The following PHLDB2 variants were observed in gnomAD, a reference collection of about 807,000 sequenced individuals.
PHLDB2 encodes pleckstrin homology-like domain family B member 2.
A neutral mutation model predicts 123.6 loss-of-function variants in PHLDB2; 71 were observed. The ratio of observed to expected loss-of-function variants is 0.57; its 90% CI spans 0.47 to 0.70. The LOEUF (loss-of-function observed/expected upper bound fraction) is 0.70. PHLDB2 is among the 30% of genes least tolerant of loss of function. PHLDB2 has a pLI of 0.00. For synonymous variants in PHLDB2, 547 were observed against 541.6 expected, an observed-to-expected ratio of 1.01 and a Z score of -0.14; for missense variants, 1,446 against 1,519.5, an observed-to-expected ratio of 0.95 and a Z score of 0.80.
upstream of PHLDB2, among the ~76,000 whole-genome samples, chr3:111,857,475 GA>G (rs71131986): frequency 6.6e-3 from 277 of 42,282 alleles, 5 homozygotes; most frequent in Middle Eastern, 0.033. Flanking sequence ...GAAAAGAAAA[GA>G]AAAAAAAATT....
At chr3:111,839,433 G>GT (rs1372382846) in intron 1 of PHLDB2, among the ~76,000 whole-genome samples, 1 of 152,040 alleles carries the variant, frequency 6.6e-6, no homozygotes, top group African/African-American at 2.4e-5. Flanking sequence ...TGTTCACAAT[G>GT]TACTCTCAAG....
At chr3:111,756,699 A>G (rs1264694395) in intron 1 of PHLDB2, among the ~76,000 whole-genome samples, 1 of 152,144 alleles carries the variant, frequency 6.6e-6, no homozygotes, top group Non-Finnish European at 1.5e-5. Context: ...TTATGATGTT[A>G]GCTGGTTATT....
chr3:111,940,025 T>G (rs2069765264), intron 7 of PHLDB2, among the ~76,000 whole-genome samples: 1 of 152,174 alleles, frequency 6.6e-6, no homozygotes, highest in Non-Finnish European at 1.5e-5. Context: ...CCATTAGAAG[T>G]AGAATGCCAT....
upstream of PHLDB2, among the ~76,000 whole-genome samples, chr3:111,855,220 T>C (rs945662928): frequency 6.6e-6 from 1 of 152,078 alleles, no homozygotes; most frequent in Non-Finnish European, 1.5e-5. Flanking sequence ...GAAAGTAAGA[T>C]CAGGGACTGT....
chr3:111,781,358 T>A (rs1200622452), intron 1 of PHLDB2, among the ~76,000 whole-genome samples: 1 of 151,930 alleles, frequency 6.6e-6, no homozygotes, highest in Non-Finnish European at 1.5e-5. Flanking sequence ...AATCCACATG[T>A]CTCCCATCCT....
At chr3:111,853,804 G>A (rs944354116) in intron 2 of PHLDB2, among the ~76,000 whole-genome samples, 1 of 151,984 alleles carries the variant, frequency 6.6e-6, no homozygotes, top group Non-Finnish European at 1.5e-5. Context: ...AAACCCAGTA[G>A]GCAGAGGTTG....
chr3:111,975,845 A>G lies in PHLDB2; in HGVS notation c.*1282A>G, dbSNP rs149140519. 6.3e-4 allele frequency: 96 copies of G among 152,774 alleles called. No homozygotes were observed. Among genetic ancestry groups the G allele is most frequent in the African/African-American group, 2.2e-3 (90 of 41,586 alleles). 9.5% of individuals were successfully genotyped at this position (152,774 alleles called of 1,614,324 possible). A position where few individuals can be genotyped will look rare whatever the true frequency, so the allele number is the denominator to read the frequency against. ...ATAACAATATTACTTACAAGATGAA[A>G]TGATTAGATTAGAAGTGTCCCTTTA... On this transcript the variant is annotated 3_prime_UTR_variant, in exon 18 of 18. Transcript: ENST00000431670.
At chr3:111,783,174 G>A (rs1318250203) in intron 1 of PHLDB2, among the ~76,000 whole-genome samples, 1 of 152,006 alleles carries the variant, frequency 6.6e-6, no homozygotes, top group Non-Finnish European at 1.5e-5. Context: ...CAGCATCAAG[G>A]TCATGGGAAA....
intron 2 of PHLDB2, among the ~76,000 whole-genome samples, chr3:111,851,023 G>A (rs762567306): frequency 8.0e-5 from 12 of 150,698 alleles, no homozygotes; most frequent in South Asian, 4.2e-4. Flanking sequence ...GTGAAACCCC[G>A]TCTCTACTAA....
intron 1 of PHLDB2, among the ~76,000 whole-genome samples, chr3:111,882,613 A>G (rs1009664431): frequency 5.3e-5 from 8 of 152,208 alleles, no homozygotes; most frequent in African/African-American, 1.9e-4. Flanking sequence ...CTATCTGGGC[A>G]GGGCTTTGGG....
At chr3:111,745,515 C>CA (rs2059666753) in intron 1 of PHLDB2, among the ~76,000 whole-genome samples, 1 of 152,148 alleles carries the variant, frequency 6.6e-6, no homozygotes, top group Non-Finnish European at 1.5e-5. Flanking sequence ...GTAATCCCAG[C>CA]ACTTTGGGAG....
Position 111,885,242 on chromosome 3 carries a change from G to A in PHLDB2, c.1165G>A (p.Glu389Lys). ...TRRNFSCGSV[E>K]FDEADLESLR... is the part of the protein sequence containing the mutation. ...GAGGAACTTCTCTTGTGGATCTGTG[G>A]AATTTGATGAGGCAGATTTGGAAAG... The change falls in exon 2 of 18, where the codon GAA (glutamate) becomes AAA (lysine). Residue 389 changes from glutamate to lysine, a missense_variant. This residue lies in a region of PHLDB2 where 832 missense variants were observed against 831.9 expected (regional missense o/e 1.00). Coordinates refer to ENST00000431670, the MANE Select transcript of PHLDB2 (RefSeq NM_001134438.2). 6.2e-7 allele frequency: 1 copy of A among 1,614,126 alleles called. No individual in the cohort carries two copies. The highest frequency in any genetic ancestry group is 8.5e-7 in the Non-Finnish European group (1 of 1,180,024).
Position 111,974,632 on chromosome 3 carries a change from A to C in PHLDB2, c.*69A>C. On this transcript the variant is annotated 3_prime_UTR_variant, in exon 18 of 18. Transcript: ENST00000431670. Reference sequence around the variant, plus strand: ...TCTTACAAGAATGAAGCCATATTCAACCCCAGATGAGAAAACCCAACAGAT... The same window carrying C: ...TCTTACAAGAATGAAGCCATATTCACCCCCAGATGAGAAAACCCAACAGAT... 7.0e-7 allele frequency: 1 copy of C among 1,418,628 alleles called. No homozygotes were observed. 87.9% of individuals were successfully genotyped at this position (1,418,628 alleles called of 1,614,324 possible). A position where few individuals can be genotyped will look rare whatever the true frequency, so the allele number is the denominator to read the frequency against.
chr3:111,758,410 T>C (rs1171650831), intron 1 of PHLDB2, among the ~76,000 whole-genome samples: 1 of 152,206 alleles, frequency 6.6e-6, no homozygotes, highest in Non-Finnish European at 1.5e-5. Context: ...CTCCGAGCCA[T>C]GTGCGGGATA....
upstream of PHLDB2, among the ~76,000 whole-genome samples, chr3:111,854,271 G>C (rs907924889): frequency 2.6e-5 from 4 of 152,140 alleles, no homozygotes; most frequent in African/African-American, 9.7e-5. Context: ...TTGACACTTG[G>C]GGATTATGAG....
chr3:111,754,324 A>G (rs1386805366), intron 1 of PHLDB2, among the ~76,000 whole-genome samples: 4 of 145,490 alleles, frequency 2.7e-5, no homozygotes, highest in Admixed American at 2.1e-4. Context: ...CTTTTATTTC[A>G]TTGAGCAGTG....
chr3:111,951,753 TTTTC>T (rs1397227877), intron 10 of PHLDB2, among the ~76,000 whole-genome samples: 7 of 152,298 alleles, frequency 4.6e-5, no homozygotes, highest in African/African-American at 7.2e-5. Flanking sequence ...TTTTTGTGTT[TTTTC>T]TTTCTTTTTT....
chr3:111,906,023 A>G (rs550435164), intron 2 of PHLDB2, among the ~76,000 whole-genome samples: 3 of 152,340 alleles, frequency 2.0e-5, no homozygotes, highest in South Asian at 2.1e-4. Flanking sequence ...TTGTAATACC[A>G]TATTTTTAGT....
rs2072479285 is a variant in PHLDB2, at chr3:111,976,443, G to T, written c.*1880G>T. 1 of 152,128 alleles carries T rather than the reference G, an allele frequency of 6.6e-6. No homozygotes were observed. The highest frequency in any genetic ancestry group is 1.5e-5 in the Non-Finnish European group (1 of 68,018). The allele number at this position is 152,128 out of a possible 1,614,324, so 9.4% of individuals were successfully genotyped here. On this transcript the variant is annotated 3_prime_UTR_variant, in exon 18 of 18. Coordinates refer to ENST00000431670, the MANE Select transcript of PHLDB2 (RefSeq NM_001134438.2). ...GGTTACATCCTATTGCTTACAAAAT[G>T]AAATGAACCCTGAAAAACTCTGACA...
Sources: gnomAD v4.1 joint callset for allele counts (sites outside exome capture counted in the v4.1 genomes callset) on GRCh38, gnomAD v4.1.1 for gene constraint, gnomAD v4.1.1 regional missense constraint, MANE v1.5 for transcripts, NCBI Gene and HGNC (gene_info 2026-07-23, HGNC 2026-07-21) for gene names.